SPOP: variants seen among roughly 807,000 people sequenced by gnomAD.
The protein encoded by SPOP is speckle type BTB/POZ protein, also known as speckle-type POZ protein.
In SPOP, 11 loss-of-function variants were observed where a neutral mutation model predicts 45.6. The observed-to-expected ratio is 0.24, with a 90% confidence interval of 0.15 to 0.40. The LOEUF is 0.40. SPOP is among the 10% of genes least tolerant of loss of function. The probability of loss-of-function intolerance (pLI) is 1.00; values close to 1 mark genes in which losing one functional copy is unlikely to be tolerated. For missense variants in SPOP, 152 were observed against 465.6 expected, an observed-to-expected ratio of 0.33 and a Z score of 6.20; for synonymous variants, 166 against 166.3, an observed-to-expected ratio of 1.00 and a Z score of 0.01.
intron 1 of SPOP, among the ~76,000 whole-genome samples, chr17:49,660,082 CAGG>C (rs1381190916): frequency 9.9e-5 from 15 of 152,194 alleles, no homozygotes; most frequent in African/African-American, 3.4e-4. Context: ...GCCCAGGCAC[CAGG>C]AGTAGAAAAA....
At chr17:49,646,201 A>T (rs2072755697) in intron 1 of SPOP, 1 of 152,212 alleles carries the variant, frequency 6.6e-6, no homozygotes, top group Admixed American at 6.5e-5. Flanking sequence ...TTATAAGGCC[A>T]CTTAAAATAG....
At chr17:49,634,097 G>C (rs1460219924) in intron 1 of SPOP, among the ~76,000 whole-genome samples, 1 of 151,934 alleles carries the variant, frequency 6.6e-6, no homozygotes, top group Non-Finnish European at 1.5e-5. Context: ...TGAAATGGAA[G>C]GACAGGAATC....
intron 1 of SPOP, among the ~76,000 whole-genome samples, chr17:49,669,544 A>G (rs2073110158): frequency 6.7e-6 from 1 of 149,092 alleles, no homozygotes; most frequent in Non-Finnish European, 1.5e-5. Flanking sequence ...AGGTGGGCGG[A>G]TCACAAGGTC....
At chr17:49,647,473 T>C (rs2072779510) in intron 1 of SPOP, among the ~76,000 whole-genome samples, 1 of 152,020 alleles carries the variant, frequency 6.6e-6, no homozygotes, top group African/African-American at 2.4e-5. Context: ...TTTTATTTTT[T>C]TTAAATTTTT....
chr17:49,631,329 T>G (rs2072448010), intron 1 of SPOP, among the ~76,000 whole-genome samples: 1 of 152,204 alleles, frequency 6.6e-6, no homozygotes, highest in South Asian at 2.1e-4. Flanking sequence ...AATATACATT[T>G]GTTTTAACAT....
chr17:49,649,734 CAGG>C lies in SPOP; in HGVS notation c.-66-26861_-66-26859del, dbSNP rs1252308148. On this transcript the variant is annotated intron_variant, in intron 1 of 9. Transcript: ENST00000504102. ...GTCCCAGCTGCTCGGGAGGCTGAGG[CAGG>C]AGAATAGCGTGAACCCGGGAGGAGG... 6.7e-5 allele frequency among the ~76,000 whole-genome samples: 10 copies of C among 150,136 alleles called. No individual in the cohort carries two copies. In the South Asian group the frequency reaches 2.2e-3, roughly 32 times the overall value.
intron 1 of SPOP, among the ~76,000 whole-genome samples, chr17:49,644,669 C>A (rs1412108575): frequency 6.6e-6 from 1 of 152,190 alleles, no homozygotes; most frequent in East Asian, 1.9e-4. Context: ...AATCTACCAA[C>A]ATGTACAGAT....
chr17:49,653,663 A>G (rs1209146923), intron 1 of SPOP, among the ~76,000 whole-genome samples: 4 of 151,934 alleles, frequency 2.6e-5, no homozygotes, highest in Non-Finnish European at 5.9e-5. Context: ...CCACTTGAGC[A>G]TCTACCCTCT....
chr17:49,676,504 A>C (rs138613991), intron 1 of SPOP, among the ~76,000 whole-genome samples: 92 of 152,262 alleles, frequency 6.0e-4, no homozygotes, highest in African/African-American at 2.2e-3. Context: ...AGTGGCAGCC[A>C]AAAAAGCCTT....
intron 1 of SPOP, among the ~76,000 whole-genome samples, chr17:49,676,519 G>A (rs1234691596): frequency 6.6e-6 from 1 of 152,180 alleles, no homozygotes; most frequent in East Asian, 1.9e-4. Context: ...AGCCTTGAGA[G>A]AAGAACATCA....
At chr17:49,622,355 G>A (rs1187270436) in intron 2 of SPOP, 7 of 562,896 alleles carry the variant, frequency 1.2e-5, no homozygotes, top group Non-Finnish European at 1.7e-5. Flanking sequence ...GGACAGGGCT[G>A]GGAAAGCATA....
intron 1 of SPOP, among the ~76,000 whole-genome samples, chr17:49,638,804 G>A (rs1045117475): frequency 2.6e-5 from 4 of 152,140 alleles, no homozygotes; most frequent in Admixed American, 6.5e-5. Context: ...CTGAGGTCAG[G>A]AGTTCGAGAC....
chr17:49,604,861 A>C (rs1244727552), intron 8 of SPOP, among the ~76,000 whole-genome samples: 1 of 152,194 alleles, frequency 6.6e-6, no homozygotes, highest in East Asian at 1.9e-4. Flanking sequence ...GGGGACCACT[A>C]ATCTTGCAGG....
intron 1 of SPOP, among the ~76,000 whole-genome samples, chr17:49,665,455 A>C (rs1358607362): frequency 6.6e-6 from 1 of 151,794 alleles, no homozygotes; most frequent in South Asian, 2.1e-4. Flanking sequence ...TCTACTAAAA[A>C]TACAAAAAAA....
intron 1 of SPOP, among the ~76,000 whole-genome samples, chr17:49,667,690 G>T (rs1024678306): frequency 2.0e-5 from 3 of 152,170 alleles, no homozygotes; most frequent in African/African-American, 7.2e-5. Flanking sequence ...AAAACAGTAT[G>T]GAGTTTCCTC....
chr17:49,602,151 G>A (rs2071751711), intron 8 of SPOP, 144 bp from the exon 9 acceptor site: 1 of 856,434 alleles, frequency 1.2e-6, no homozygotes, highest in South Asian at 2.4e-5. Flanking sequence ...CTACTGCAAT[G>A]ATAAAACATA....
Position 49,622,894 on chromosome 17 carries a change from G to A in SPOP, c.-66-18C>T. ...TCTTCACCCTGGTCAGATCCAAGAA[G>A]CAAGAAAACTTTATTAGATTATTAA... is the stretch of plus-strand genomic sequence containing the variant. On this transcript the variant is annotated intron_variant, in intron 1 of 9. Transcript: ENST00000504102. The A allele has an allele frequency of 1.8e-6, 2 of 1,124,024 alleles. No individual in the cohort carries two copies. Among genetic ancestry groups the A allele is most frequent in the South Asian group, 1.3e-5 (1 of 79,840 alleles). The allele number at this position is 1,124,024 out of a possible 1,614,324, so 69.6% of individuals were successfully genotyped here. A position where few individuals can be genotyped will look rare whatever the true frequency, so the allele number is the denominator to read the frequency against.
At chr17:49,607,711 A>G (rs1005488861) in intron 7 of SPOP, among the ~76,000 whole-genome samples, 163 bp downstream of exon 7, 3 of 152,090 alleles carry the variant, frequency 2.0e-5, no homozygotes, top group African/African-American at 4.8e-5. Context: ...TTTACCCATA[A>G]TACTTCTACA....
At chr17:49,616,652 G>A (rs568897109) in intron 5 of SPOP, among the ~76,000 whole-genome samples, 6 of 152,208 alleles carry the variant, frequency 3.9e-5, no homozygotes, top group Non-Finnish European at 8.8e-5. Flanking sequence ...CCACGCAACC[G>A]TCTTGCAACG....
Sources: gnomAD v4.1 joint callset for allele counts (sites outside exome capture counted in the v4.1 genomes callset) on GRCh38, gnomAD v4.1.1 for gene constraint, MANE v1.5 for transcripts, NCBI Gene and HGNC (gene_info 2026-07-23, HGNC 2026-07-21) for gene names.